CNTNAP2: variants seen among roughly 807,000 people sequenced by gnomAD.
CNTNAP2 encodes contactin-associated protein-like 2.
A neutral mutation model predicts 155.2 loss-of-function variants in CNTNAP2; 98 were observed. That is an observed-to-expected ratio of 0.63 (90% CI 0.54 to 0.75). The LOEUF is 0.75. Among genes scored for constraint, CNTNAP2 ranks in the 30% least tolerant of loss-of-function variants. The pLI is 0.00. For missense variants in CNTNAP2, 1,727 were observed against 1,688.1 expected (o/e 1.02, Z -0.40); for synonymous variants, 651 against 631.2 (o/e 1.03, Z -0.47).
chr7:147,646,979 G>A (rs1011770414), intron 13 of CNTNAP2, among the ~76,000 whole-genome samples: 1 of 149,058 alleles, frequency 6.7e-6, no homozygotes, highest in African/African-American at 2.4e-5. Flanking sequence ...ATGTTATTAT[G>A]TTCACTTTTT....
chr7:146,968,066 A>G (rs973216300), intron 3 of CNTNAP2, among the ~76,000 whole-genome samples: 3 of 149,752 alleles, frequency 2.0e-5, no homozygotes, highest in African/African-American at 7.3e-5. Flanking sequence ...TATTGAGATA[A>G]TCATGTGTTT....
At chr7:148,270,244 A>G (rs1368979593) in intron 21 of CNTNAP2, among the ~76,000 whole-genome samples, 3 of 152,232 alleles carry the variant, frequency 2.0e-5, no homozygotes, top group Non-Finnish European at 4.4e-5. Context: ...GCAAAGCTAA[A>G]AGTGTACCAT....
chr7:147,120,892 C>A, intron 5 of CNTNAP2, 87 bp from the exon 6 acceptor site: 1 of 1,232,946 alleles, frequency 8.1e-7, no homozygotes, highest in Non-Finnish European at 1.2e-6. Context: ...ATGTCAGCCT[C>A]TAGGTGCTGT....
At chr7:146,387,207 G>A (rs1795473753) in intron 1 of CNTNAP2, among the ~76,000 whole-genome samples, 1 of 152,072 alleles carries the variant, frequency 6.6e-6, no homozygotes, top group Admixed American at 6.6e-5. Context: ...GTGAGGTCTG[G>A]GGCTTTTGGG....
chr7:147,270,333 T>G (rs1804715884), intron 8 of CNTNAP2, among the ~76,000 whole-genome samples: 4 of 152,178 alleles, frequency 2.6e-5, no homozygotes, highest in Admixed American at 2.6e-4. Context: ...AAAGGCTTTG[T>G]ATGACAAAAA....
intron 8 of CNTNAP2, among the ~76,000 whole-genome samples, chr7:147,246,041 G>T (rs867034966): frequency 9.9e-6 from 1 of 101,020 alleles, no homozygotes; most frequent in Non-Finnish European, 1.8e-5. Context: ...CACATATAAC[G>T]TGCATATATA....
At chr7:146,332,941 A>ATTTTT (rs4016094) in intron 1 of CNTNAP2, among the ~76,000 whole-genome samples, 65 of 102,456 alleles carry the variant, frequency 6.3e-4, no homozygotes, top group Non-Finnish European at 8.8e-4. Flanking sequence ...TTCTTCTTCT[A>ATTTTT]TTTTTTTTTT....
intron 13 of CNTNAP2, among the ~76,000 whole-genome samples, chr7:147,679,425 A>G (rs1284614184): frequency 1.3e-5 from 2 of 151,952 alleles, no homozygotes; most frequent in Non-Finnish European, 2.9e-5. Flanking sequence ...TTAAGAACAA[A>G]AAAGTGTCTA....
chr7:146,570,287 A>G (rs1798421960), intron 1 of CNTNAP2, among the ~76,000 whole-genome samples: 1 of 152,136 alleles, frequency 6.6e-6, no homozygotes, highest in Non-Finnish European at 1.5e-5. Flanking sequence ...AATGTAATAT[A>G]TAACTTTCTC....
At chr7:147,336,074 T>C (rs4726841) in intron 9 of CNTNAP2, among the ~76,000 whole-genome samples, 24,863 of 152,096 alleles carry the variant, frequency 0.16, 2,351 homozygotes, top group East Asian at 0.35. Context: ...AAAGAGAATA[T>C]AGAAGTGTTG....
At chr7:146,419,252 G>C (rs753773234) in intron 1 of CNTNAP2, among the ~76,000 whole-genome samples, 8 of 151,992 alleles carry the variant, frequency 5.3e-5, no homozygotes, top group Non-Finnish European at 1.0e-4. Context: ...GATCTTCTAA[G>C]ACTTATTAAC....
At chr7:148,218,660 G>A (rs1327374953) in intron 19 of CNTNAP2, among the ~76,000 whole-genome samples, 1 of 152,140 alleles carries the variant, frequency 6.6e-6, no homozygotes, top group Non-Finnish European at 1.5e-5. Flanking sequence ...AAAGTGCTGG[G>A]ATGACAGGCA....
chr7:146,486,977 A>G (rs2129130253), intron 1 of CNTNAP2, among the ~76,000 whole-genome samples: 1 of 152,328 alleles, frequency 6.6e-6, no homozygotes, highest in South Asian at 2.1e-4. Context: ...ATTTTATTGC[A>G]TATGAAAATG....
intron 18 of CNTNAP2, among the ~76,000 whole-genome samples, chr7:148,196,398 G>A (rs1451694952): frequency 1.3e-5 from 2 of 152,116 alleles, no homozygotes; most frequent in African/African-American, 2.4e-5. Context: ...CGGAGGAACT[G>A]GGGGGATCTG....
At chr7:147,364,522 C>T (rs1430641153) in intron 9 of CNTNAP2, among the ~76,000 whole-genome samples, 1 of 152,144 alleles carries the variant, frequency 6.6e-6, no homozygotes, top group Non-Finnish European at 1.5e-5. Context: ...AGACAGTGTT[C>T]ACTCATTTAT....
chr7:148,166,020 T>C (rs1229960518), intron 17 of CNTNAP2, among the ~76,000 whole-genome samples: 1 of 151,994 alleles, frequency 6.6e-6, no homozygotes, highest in Non-Finnish European at 1.5e-5. Context: ...CCTCTCTCCA[T>C]GGACGAGCTC....
chr7:147,541,496 AGATCACATGCTCTCC>A (rs1474125888), intron 11 of CNTNAP2, among the ~76,000 whole-genome samples: 3 of 152,226 alleles, frequency 2.0e-5, no homozygotes, highest in South Asian at 4.1e-4. Context: ...TGAGGGAGAT[AGATCACATGCTCTCC>A]GAGGTCTTCT....
At chr7:146,225,497 G>A (rs536820195) in intron 1 of CNTNAP2, among the ~76,000 whole-genome samples, 17 of 152,238 alleles carry the variant, frequency 1.1e-4, no homozygotes, top group African/African-American at 3.6e-4. Flanking sequence ...CCTAGAACAC[G>A]TAGATTCATG....
chr7:146,486,452 TAA>T (rs919570270), intron 1 of CNTNAP2, among the ~76,000 whole-genome samples: 1 of 152,026 alleles, frequency 6.6e-6, no homozygotes. Context: ...AGCAAAAAAA[TAA>T]AAAGTTATCT....
Sources: gnomAD v4.1 joint callset for allele counts (sites outside exome capture counted in the v4.1 genomes callset) on GRCh38, gnomAD v4.1.1 for gene constraint, MANE v1.5 for transcripts, NCBI Gene and HGNC (gene_info 2026-07-23, HGNC 2026-07-21) for gene names.